The following MEIS2 variants were observed in gnomAD, a reference collection of about 807,000 sequenced individuals.
MEIS2 encodes Meis homeobox 2.
Under a neutral mutation model 58.6 loss-of-function variants are expected in MEIS2, and 9 were observed. The ratio of observed to expected loss-of-function variants is 0.15; its 90% CI spans 0.09 to 0.27. The LOEUF (loss-of-function observed/expected upper bound fraction) is 0.27, where lower values mean the gene tolerates loss of function less well. MEIS2 is among the 10% of genes least tolerant of loss of function. The pLI is 1.00. For synonymous variants in MEIS2, 221 were observed against 228.4 expected, an observed-to-expected ratio of 0.97 and a Z score of 0.29; for missense variants, 427 against 635.0, an observed-to-expected ratio of 0.67 and a Z score of 3.52.
chr15:37,074,602 T>C (rs1157723432), intron 7 of MEIS2, among the ~76,000 whole-genome samples: 1 of 151,960 alleles, frequency 6.6e-6, no homozygotes, highest in Non-Finnish European at 1.5e-5. Context: ...TATAGCTAAT[T>C]AATGTCAGCA....
upstream of MEIS2, among the ~76,000 whole-genome samples, chr15:37,100,715 G>A (rs1567305312): frequency 6.6e-6 from 1 of 151,496 alleles, no homozygotes. Context: ...GTGAGTGTGT[G>A]TGTATGTGTG....
chr15:36,895,307 A>G lies in MEIS2; in HGVS notation c.1037-46T>C, dbSNP rs371377319. ...ACACAGAGGAGAAAGAAGAAAAGATATACCAAACAATCAGCAATTGTTCCC... is the reference window on the plus strand; with the variant it reads ...ACACAGAGGAGAAAGAAGAAAAGATGTACCAAACAATCAGCAATTGTTCCC... On this transcript the variant is annotated intron_variant, in intron 10 of 11. Transcript: ENST00000561208. The G allele has an allele frequency of 3.3e-6, 5 of 1,527,156 alleles. No homozygotes were observed. In the African/African-American group the frequency reaches 6.8e-5, roughly 21 times the overall value. 94.6% of individuals were successfully genotyped at this position (1,527,156 alleles called of 1,614,324 possible).
intron 7 of MEIS2, among the ~76,000 whole-genome samples, chr15:37,074,696 T>G (rs1163209436): frequency 6.6e-6 from 1 of 151,980 alleles, no homozygotes; most frequent in Non-Finnish European, 1.5e-5. Flanking sequence ...ACATGGAATC[T>G]CTCTTAATAT....
At chr15:37,035,308 CT>C (rs919337773) in intron 8 of MEIS2, among the ~76,000 whole-genome samples, 1 of 152,154 alleles carries the variant, frequency 6.6e-6, no homozygotes, top group Non-Finnish European at 1.5e-5. Flanking sequence ...CAAAGAACAG[CT>C]GTGAAGTAAT....
rs933009467 is a variant in MEIS2 at position 36,889,402 on chromosome 15, T to C, written c.*2771A>G. 6.6e-6 allele frequency: 1 copy of C among 151,840 alleles called. No individual in the cohort carries two copies. Among genetic ancestry groups the C allele is most frequent in the Non-Finnish European group, 1.5e-5 (1 of 67,988 alleles). 9.4% of individuals were successfully genotyped at this position (151,840 alleles called of 1,614,324 possible). On this transcript the variant is annotated 3_prime_UTR_variant, in exon 12 of 12. Transcript: ENST00000561208. ...CCGGGGTGGTGTAAAAAAAGCATTA[T>C]AAAAATTGGACAAATCTATCACTTC...
intron 10 of MEIS2, 53 bp downstream of exon 10, chr15:36,896,575 T>G: frequency 7.1e-7 from 1 of 1,407,156 alleles, no homozygotes; most frequent in Admixed American, 1.9e-5. Context: ...GAGTATAACT[T>G]GATGAGGATT....
chr15:37,071,580 A>C (rs949619784), intron 7 of MEIS2, among the ~76,000 whole-genome samples: 3 of 152,148 alleles, frequency 2.0e-5, no homozygotes, highest in Non-Finnish European at 2.9e-5. Flanking sequence ...TATAACATTT[A>C]CTTACTATGA....
intron 7 of MEIS2, among the ~76,000 whole-genome samples, chr15:37,038,780 C>A (rs1346477959): frequency 2.0e-5 from 3 of 152,206 alleles, no homozygotes; most frequent in African/African-American, 7.2e-5. Context: ...ATCTGTCACC[C>A]TCCCTGCACA....
intron 8 of MEIS2, among the ~76,000 whole-genome samples, chr15:36,963,084 G>C (rs149947066): frequency 2.0e-4 from 30 of 152,242 alleles, no homozygotes; most frequent in African/African-American, 6.7e-4. Flanking sequence ...CCATATAAGA[G>C]TGAAACTTGG....
chr15:37,099,368 G>A, intron 1 of MEIS2, 87 bp downstream of exon 1: 2 of 1,577,842 alleles, frequency 1.3e-6, no homozygotes, highest in Admixed American at 1.9e-5. Context: ...AGCAGCAGCA[G>A]AAGCGTTGAA....
intron 7 of MEIS2, among the ~76,000 whole-genome samples, chr15:37,072,475 C>A (rs1890836036): frequency 6.6e-6 from 1 of 152,130 alleles, no homozygotes; most frequent in Non-Finnish European, 1.5e-5. Context: ...TTCATGTACG[C>A]ACCCACTTGC....
chr15:36,961,116 C>T (rs543914499), intron 8 of MEIS2, among the ~76,000 whole-genome samples: 13 of 152,104 alleles, frequency 8.5e-5, no homozygotes, highest in African/African-American at 2.6e-4. Flanking sequence ...TATCTTTGGG[C>T]CCCATTACTA....
Position 37,100,173 on chromosome 15 carries a change from AG to A in MEIS2, c.-708del. The A allele has an allele frequency of 6.7e-6, 1 of 149,080 alleles. No homozygotes were observed. The highest frequency in any genetic ancestry group is 2.1e-4 in the South Asian group (1 of 4,654). 9.2% of individuals were successfully genotyped at this position (149,080 alleles called of 1,614,324 possible). Reference sequence around the variant, plus strand: ...TCAAAGAAAGCAGTGAGAAAAATCAAGAAAAAAAAATGAATAGTTTGCAAAA... The same window carrying A: ...TCAAAGAAAGCAGTGAGAAAAATCAAAAAAAAAAATGAATAGTTTGCAAAA... On this transcript the variant is annotated 5_prime_UTR_variant, in exon 1 of 12. Transcript: ENST00000561208.
chr15:37,064,923 A>C (rs961302228), intron 7 of MEIS2, among the ~76,000 whole-genome samples: 1 of 152,208 alleles, frequency 6.6e-6, no homozygotes, highest in African/African-American at 2.4e-5. Flanking sequence ...TGAAATGTTG[A>C]GCCAAAGATA....
At chr15:36,922,405 G>GT (rs2057547290) in intron 9 of MEIS2, among the ~76,000 whole-genome samples, 1 of 127,200 alleles carries the variant, frequency 7.9e-6, no homozygotes, top group Non-Finnish European at 2.0e-5. Context: ...AGAATCAAAA[G>GT]GTTTTTTTGT....
At chr15:37,042,873 T>C (rs7165787) in intron 7 of MEIS2, among the ~76,000 whole-genome samples, 142,041 of 152,306 alleles carry the variant, frequency 0.93, 67,054 homozygotes, top group East Asian at 1. Context: ...ACCCTCAGAG[T>C]CCAGAGATGC....
intron 7 of MEIS2, among the ~76,000 whole-genome samples, chr15:37,060,684 T>C (rs1255691988): frequency 6.6e-6 from 1 of 152,134 alleles, no homozygotes; most frequent in Non-Finnish European, 1.5e-5. Context: ...CTAAACAAGG[T>C]GAATAAAACA....
intron 8 of MEIS2, among the ~76,000 whole-genome samples, chr15:37,034,063 A>G (rs1450553499): frequency 6.6e-6 from 1 of 152,158 alleles, no homozygotes; most frequent in Non-Finnish European, 1.5e-5. Context: ...TGAAAGGGGC[A>G]TGTTGTGAAG....
chr15:36,944,649 A>G (rs1020683476), intron 9 of MEIS2, among the ~76,000 whole-genome samples: 1 of 152,090 alleles, frequency 6.6e-6, no homozygotes, highest in African/African-American at 2.4e-5. Flanking sequence ...CAGCACATTA[A>G]ATGCTGACAA....
Sources: allele counts gnomAD v4.1 joint callset (sites outside exome capture counted in the v4.1 genomes callset), GRCh38; gene constraint gnomAD v4.1.1; transcripts MANE v1.5; gene names NCBI Gene and HGNC (gene_info 2026-07-23, HGNC 2026-07-21).